NEK5: variants seen among roughly 807,000 people sequenced by gnomAD.
The protein encoded by NEK5 is NIMA related kinase 5.
NEK5 carries 88 observed loss-of-function variants against 109.2 expected under a neutral mutation model. The observed-to-expected ratio is 0.81, with a 90% CI of 0.68 to 0.96. The LOEUF is 0.96. NEK5 is among the 40% of genes least tolerant of loss of function. The probability of loss-of-function intolerance (pLI) is 0.00; values close to 1 mark genes in which losing one functional copy is unlikely to be tolerated. For synonymous variants in NEK5, 283 were observed against 299.9 expected, an observed-to-expected ratio of 0.94 and a Z score of 0.58; for missense variants, 834 against 920.7, an observed-to-expected ratio of 0.91 and a Z score of 1.22.
intron 16 of NEK5, 80 bp from the exon 17 acceptor site, chr13:52,083,432 G>C: frequency 1.2e-6 from 1 of 825,316 alleles, no homozygotes. Context: ...CGCGATCAAT[G>C]ATGAAATGGC....
chr13:52,060,663 A>C (rs1174392251), intron 22 of NEK5, among the ~76,000 whole-genome samples: 1 of 152,108 alleles, frequency 6.6e-6, no homozygotes, highest in Non-Finnish European at 1.5e-5. Context: ...GTAAACATTT[A>C]TCAGCCTCCA....
chr13:52,084,231 T>C (rs1955071660), intron 16 of NEK5, among the ~76,000 whole-genome samples: 1 of 152,112 alleles, frequency 6.6e-6, no homozygotes, highest in South Asian at 2.1e-4. Flanking sequence ...TGGTTATAAT[T>C]GTATTTTTTT....
chr13:52,066,967 T>C (rs1954701436), intron 20 of NEK5, among the ~76,000 whole-genome samples: 1 of 152,216 alleles, frequency 6.6e-6, no homozygotes, highest in East Asian at 1.9e-4. Context: ...GCAGCATTTA[T>C]CTGAATAATC....
chr13:52,058,033 G>GA (rs763437861), intron 22 of NEK5, among the ~76,000 whole-genome samples: 3 of 152,094 alleles, frequency 2.0e-5, no homozygotes, highest in Non-Finnish European at 4.4e-5. Context: ...CGGATGACAT[G>GA]ATTGTGTATC....
chr13:52,068,285 T>C (rs1175517401), intron 20 of NEK5, among the ~76,000 whole-genome samples: 1 of 152,174 alleles, frequency 6.6e-6, no homozygotes, highest in Non-Finnish European at 1.5e-5. Flanking sequence ...GAGTTCTGGG[T>C]AATACCTCAG....
At chr13:52,059,871 G>T (rs1954595991) in intron 22 of NEK5, among the ~76,000 whole-genome samples, 1 of 151,898 alleles carries the variant, frequency 6.6e-6, no homozygotes, top group Non-Finnish European at 1.5e-5. Context: ...GAGTTAGTGG[G>T]TGCAGCACAC....
intron 19 of NEK5, 142 bp from the exon 20 acceptor site, chr13:52,072,212 T>C (rs946913211): frequency 2.0e-5 from 13 of 644,002 alleles, no homozygotes; most frequent in African/African-American, 1.1e-4. Context: ...AATAAATCCA[T>C]AGAGTTTTAA....
chr13:52,060,680 T>G (rs1437530979), intron 22 of NEK5, among the ~76,000 whole-genome samples: 1 of 152,118 alleles, frequency 6.6e-6, no homozygotes, highest in African/African-American at 2.4e-5. Context: ...TCCAAGAATA[T>G]CTAGTACCTT....
At position 52,050,712 on chromosome 13, in the gene NEK5, G is replaced by T. The variant is rs868756285; in HGVS notation, c.2111-491C>A. ...TTGAAGATAGCACAATATTTCATTTGTTTTTTTCTTTTTTTTTTTTTTTTT... is the reference window on the plus strand; with the variant it reads ...TTGAAGATAGCACAATATTTCATTTTTTTTTTTCTTTTTTTTTTTTTTTTT... On this transcript the variant is annotated intron_variant, in intron 22 of 23. Transcript: ENST00000684899. 7.6e-3 allele frequency among the ~76,000 whole-genome samples: 910 copies of T among 119,180 alleles called. 7 individuals are homozygous for T. Among genetic ancestry groups the T allele is most frequent in the Middle Eastern group, 0.021 (4 of 188 alleles). The allele number at this position is 119,180 out of a possible 152,430, so 78.2% of individuals were successfully genotyped here. A position where few individuals can be genotyped will look rare whatever the true frequency, so the allele number is the denominator to read the frequency against.
intron 23 of NEK5, among the ~76,000 whole-genome samples, chr13:52,046,652 G>GC (rs1387834280): frequency 6.6e-6 from 1 of 151,786 alleles, no homozygotes; most frequent in Non-Finnish European, 1.5e-5. Flanking sequence ...GTTAGATTGA[G>GC]CCCAGGAGGT....
chr13:52,088,038 C>T (rs994882082), intron 14 of NEK5, among the ~76,000 whole-genome samples: 9 of 151,898 alleles, frequency 5.9e-5, no homozygotes, highest in South Asian at 2.1e-4. Context: ...AGCAATCCTC[C>T]GGCCTCAGCC....
chr13:52,110,522 T>C lies in NEK5; in HGVS notation c.368A>G (p.Lys123Arg). ...AGCTTTTATGTCCCTGTGTAATATCTTCCTGTCATGAATATGTTTTAGTCC... is the reference window on the plus strand; with the variant it reads ...AGCTTTTATGTCCCTGTGTAATATCCTCCTGTCATGAATATGTTTTAGTCC... The part of the protein sequence containing the change: ...SLGLKHIHDR[K>R]ILHRDIKAQN... The change falls in exon 6 of 24, where the codon AAG becomes AGG. Residue 123 changes from lysine (K) to arginine (R), a missense_variant. Physicochemically the swap from Lys to Arg is conservative, Grantham distance 26. This residue lies in a region of NEK5 where 777 missense variants were observed against 824.7 expected (regional missense o/e 0.94). Transcript: ENST00000684899. 1.2e-6 allele frequency: 2 copies of C among 1,612,744 alleles called. No homozygotes were observed. The highest frequency in any genetic ancestry group is 1.1e-5 in the South Asian group (1 of 91,022).
chr13:52,104,402 C>T, intron 9 of NEK5, 96 bp downstream of exon 9: 4 of 870,252 alleles, frequency 4.6e-6, no homozygotes, highest in South Asian at 4.1e-5. Context: ...TTTTAACAAT[C>T]TAATAAAACC....
intron 23 of NEK5, among the ~76,000 whole-genome samples, chr13:52,038,603 G>T (rs772514045): frequency 1.5e-4 from 23 of 152,040 alleles, no homozygotes; most frequent in Admixed American, 5.9e-4. Context: ...ACTATGCCCA[G>T]GTTTTTTATT....
chr13:52,080,781 G>A (rs1453912389), intron 17 of NEK5, among the ~76,000 whole-genome samples: 14 of 151,778 alleles, frequency 9.2e-5, no homozygotes, highest in African/African-American at 2.4e-4. Context: ...CTCTGCCTAG[G>A]AAAACCAGAG....
At chr13:52,099,903 C>G (rs1955496150) in intron 11 of NEK5, 27 bp from the exon 12 acceptor site, 1 of 1,589,846 alleles carries the variant, frequency 6.3e-7, no homozygotes, top group African/African-American at 1.3e-5. Context: ...AAAACAGCTT[C>G]AATTTTTTAA....
At chr13:52,064,156 C>T (rs1442457272) in intron 21 of NEK5, among the ~76,000 whole-genome samples, 1 of 142,604 alleles carries the variant, frequency 7.0e-6, no homozygotes, top group Non-Finnish European at 1.5e-5. Context: ...CCTGGCCAGC[C>T]GCCCTGTCCG....
At chr13:52,050,035 A>G (rs1954490582) in intron 23 of NEK5, 69 bp downstream of exon 23, 2 of 489,414 alleles carry the variant, frequency 4.1e-6, no homozygotes, top group Non-Finnish European at 5.3e-6. Flanking sequence ...GCTATTTTGA[A>G]TGTCTCAACT....
intron 23 of NEK5, among the ~76,000 whole-genome samples, chr13:52,038,807 A>C (rs1021820935): frequency 6.4e-5 from 9 of 141,510 alleles, no homozygotes. Flanking sequence ...CCTAGGCATC[A>C]GAGCAAGACA....
Sources: allele counts gnomAD v4.1 joint callset (sites outside exome capture counted in the v4.1 genomes callset), GRCh38; gene constraint gnomAD v4.1.1; regional missense constraint gnomAD v4.1.1; transcripts MANE v1.5; gene names NCBI Gene and HGNC (gene_info 2026-07-23, HGNC 2026-07-21).